The following UACA variants were observed in gnomAD, a reference collection of about 807,000 sequenced individuals.
UACA encodes uveal autoantigen with coiled-coil domains and ankyrin repeats.
A neutral mutation model predicts 160.5 loss-of-function variants in UACA; 112 were observed. The ratio of observed to expected loss-of-function variants is 0.70; its 90% CI spans 0.60 to 0.82. The LOEUF (loss-of-function observed/expected upper bound fraction) is 0.82. Among genes scored for constraint, UACA ranks in the 40% least tolerant of loss-of-function variants. UACA has a pLI of 0.00. For synonymous variants in UACA, 557 were observed against 568.4 expected (o/e 0.98, Z 0.29); for missense variants, 1,574 against 1,614.6 (o/e 0.97, Z 0.43).
At position 70,669,025 on chromosome 15, in the gene UACA, A is replaced by C; in HGVS notation, c.1659T>G (p.Tyr553Ter). The C allele has an allele frequency of 6.2e-7, 1 of 1,613,980 alleles. No homozygotes were observed. The highest frequency in any genetic ancestry group is 8.5e-7 in the Non-Finnish European group (1 of 1,179,998). Residue 553 changes from tyrosine (Y) to a stop codon, truncating the protein, a stop_gained, in exon 16 of 19, where the codon TAT becomes TAG. Transcript: ENST00000322954. LOFTEE classifies it high-confidence loss of function. ...TCCCCACTTCTGCTGAAGCACCTTC[A>C]TATTTTACTTTCAAGTCTTTCAACT... ...KDQLKDLKVKYEGASAEVGKL... is the reference protein window; with the variant it reads ...KDQLKDLKVK
intron 3 of UACA, among the ~76,000 whole-genome samples, chr15:70,693,905 C>T (rs1898031707): frequency 6.6e-6 from 1 of 152,126 alleles, no homozygotes. Context: ...TCTTTGTTCA[C>T]TCAAAGGTAG....
Position 70,668,937 on chromosome 15 carries a change from T to G in UACA, c.1747A>C (p.Lys583Gln), listed in dbSNP as rs750659290. ...AATCGCTTATTTTCTTCTATCAGCT[T>G]GCCTTCATCCCTCTTAAACTCTTCT... is the stretch of plus-strand genomic sequence containing the variant. ...IVEEFKRDEG[K>Q]LIEENKRLQK... The change falls in exon 16 of 19, where the codon AAG becomes CAG. Residue 583 changes from lysine to glutamine, a missense_variant. Physicochemically the swap from Lys to Gln is moderately conservative, Grantham distance 53. Coordinates refer to ENST00000322954, the MANE Select transcript of UACA (RefSeq NM_018003.4). 3 of 1,613,752 alleles carry G rather than the reference T, an allele frequency of 1.9e-6. No individual in the cohort carries two copies. The highest frequency in any genetic ancestry group is 2.5e-6 in the Non-Finnish European group (3 of 1,179,942).
At position 70,668,851 on chromosome 15, in the gene UACA, C is replaced by T; in HGVS notation, c.1833G>A (p.Glu611=). ...ACAATTCTTTTGCCTGGCCTTCCAT[C>T]TCTGTGACCTTTCTTCCTTTCTTCT... is the stretch of plus-strand genomic sequence containing the variant. ...EREKKGRKVT[E]MEGQAKELSA... The change falls in exon 16 of 19, where the codon GAG becomes GAA. Residue 611 remains glutamate, a synonymous_variant. Transcript: ENST00000322954. 1 of 1,613,768 alleles carries T rather than the reference C, an allele frequency of 6.2e-7. No homozygotes were observed. Among genetic ancestry groups the T allele is most frequent in the Non-Finnish European group, 8.5e-7 (1 of 1,179,980 alleles).
At chr15:70,710,559 CT>C (rs1397994523) in intron 1 of UACA, among the ~76,000 whole-genome samples, 7 of 152,206 alleles carry the variant, frequency 4.6e-5, no homozygotes. Flanking sequence ...CACTCCCACC[CT>C]TCAGATGCCA....
chr15:70,687,890 C>T (rs1448604339), intron 5 of UACA, 70 bp from the exon 6 acceptor site: 2 of 1,441,230 alleles, frequency 1.4e-6, no homozygotes, highest in South Asian at 1.2e-5. Context: ...TTTTCTAGGT[C>T]CATATAAGGA....
intron 8 of UACA, 127 bp from the exon 9 acceptor site, chr15:70,682,922 A>G (rs1256076272): frequency 4.0e-6 from 2 of 503,980 alleles, no homozygotes; most frequent in Non-Finnish European, 6.6e-6. Context: ...AAAGCTTACA[A>G]CTTTTTAGTT....
chr15:70,672,032 T>C (rs760103218), intron 13 of UACA, 31 bp from the exon 14 acceptor site: 7 of 1,573,988 alleles, frequency 4.4e-6, no homozygotes, highest in South Asian at 1.2e-5. Flanking sequence ...TATTTTAGGG[T>C]GAATGCTGCC....
rs550968633 is a variant in UACA at position 70,737,709 on chromosome 15, A to AAAAAT, written c.78+25616_78+25620dup. Among the ~76,000 whole-genome samples the AAAAAT allele has an allele frequency of 1.3e-3, 200 of 152,290 alleles. 1 individual carries two copies. The highest frequency in any genetic ancestry group is 3.4e-3 in the African/African-American group (142 of 41,564). ...GGTGGAAGAGTGAAACTCCATCTCA[A>AAAAAT]AAAATAAAATAAAATAAAATAAAAT... On this transcript the variant is annotated intron_variant, in intron 1 of 18. Transcript: ENST00000322954.
intron 1 of UACA, among the ~76,000 whole-genome samples, chr15:70,746,145 A>C (rs2141006933): frequency 6.6e-6 from 1 of 152,328 alleles, no homozygotes; most frequent in South Asian, 2.1e-4. Context: ...GGATCTAATT[A>C]AACTAAAGAG....
At chr15:70,727,588 A>G (rs999399481) in intron 1 of UACA, among the ~76,000 whole-genome samples, 16 of 152,302 alleles carry the variant, frequency 1.1e-4, no homozygotes, top group African/African-American at 3.1e-4. Context: ...ATGCCTCATC[A>G]TTGTAGAAAT....
At position 70,712,051 on chromosome 15, in the gene UACA, C is replaced by CATATATATATATATATATATATATAT. The variant is rs57543862; in HGVS notation, c.79-12392_79-12391insATATATATATATATATATATATATAT. On this transcript the variant is annotated intron_variant, in intron 1 of 18. Coordinates refer to ENST00000322954, the MANE Select transcript of UACA (RefSeq NM_018003.4). ...AACCCAGGCTCCTCTAAGCTCCAGG[C>CATATATATATATATATATATATATAT]ATATATATATATATATCTCCATATA... Among the ~76,000 whole-genome samples, 93 of 131,940 alleles carry CATATATATATATATATATATATATAT rather than the reference C, an allele frequency of 7.0e-4. 2 individuals are homozygous for CATATATATATATATATATATATATAT. The highest frequency in any genetic ancestry group is 1.5e-3 in the South Asian group (6 of 4,000). 86.6% of individuals were successfully genotyped at this position (131,940 alleles called of 152,430 possible).
the UACA span, among the ~76,000 whole-genome samples, chr15:70,769,322 G>A: frequency 8.4e-6 from 1 of 119,646 alleles, no homozygotes; most frequent in Non-Finnish European, 1.6e-5. Context: ...CTGGGCGACA[G>A]AGTGAGACTC....
At chr15:70,689,780 T>TAAAGA (rs1376723351) in intron 5 of UACA, among the ~76,000 whole-genome samples, 1 of 152,136 alleles carries the variant, frequency 6.6e-6, no homozygotes, top group African/African-American at 2.4e-5. Context: ...TCAAAGTACT[T>TAAAGA]TCTTTAAGAC....
At chr15:70,746,011 G>A (rs1342461408) in intron 1 of UACA, among the ~76,000 whole-genome samples, 1 of 152,104 alleles carries the variant, frequency 6.6e-6, no homozygotes, top group Non-Finnish European at 1.5e-5. Flanking sequence ...TTAAACGTAA[G>A]ACCTAAAACC....
At chr15:70,695,126 T>C in intron 2 of UACA, 21 bp from the exon 3 acceptor site, 1 of 1,560,988 alleles carries the variant, frequency 6.4e-7, no homozygotes, top group Non-Finnish European at 8.7e-7. Flanking sequence ...AAAAAATATT[T>C]GTTGTGCTAA....
Position 70,668,578 on chromosome 15 carries a change from C to T in UACA, c.2106G>A (p.Gly702=), listed in dbSNP as rs140936438. ...SRLEQKSGEL[G]KKITELTLKN... ...TCAATGTTAACTCAGTGATCTTCTT[C>T]CCAAGTTCTCCTGATTTCTGTTCTA... Residue 702 remains glycine (G), a synonymous_variant, in exon 16 of 19, where the codon GGG becomes GGA. Transcript: ENST00000322954. 1.2e-4 allele frequency: 187 copies of T among 1,612,776 alleles called. No individual in the cohort carries two copies. The highest frequency in any genetic ancestry group is 1.4e-4 in the Non-Finnish European group (171 of 1,179,856).
chr15:70,671,919 C>T, intron 14 of UACA, 46 bp downstream of exon 14: 1 of 1,500,450 alleles, frequency 6.7e-7, no homozygotes, highest in Middle Eastern at 1.8e-4. Flanking sequence ...TTCTTCTTTA[C>T]TTGAACTAGG....
At chr15:70,726,920 G>A (rs1289243649) in intron 1 of UACA, among the ~76,000 whole-genome samples, 1 of 152,110 alleles carries the variant, frequency 6.6e-6, no homozygotes, top group Non-Finnish European at 1.5e-5. Flanking sequence ...TCTGTTCTGG[G>A]AATCTCAAGC....
At chr15:70,703,949 G>A (rs1014821792) in intron 1 of UACA, among the ~76,000 whole-genome samples, 5 of 151,906 alleles carry the variant, frequency 3.3e-5, no homozygotes, top group Non-Finnish European at 5.9e-5. Flanking sequence ...ACATCTAAAC[G>A]GCCCCGTGTC....
Sources: allele counts gnomAD v4.1 joint callset (sites outside exome capture counted in the v4.1 genomes callset), GRCh38; gene constraint gnomAD v4.1.1; transcripts MANE v1.5; gene names NCBI Gene and HGNC (gene_info 2026-07-23, HGNC 2026-07-21).